Variants in MRTFB observed in about 807,000 individuals in gnomAD.
The protein encoded by MRTFB is myocardin related transcription factor B, also known as myocardin-related transcription factor B.
In MRTFB, 29 loss-of-function variants were observed where a neutral mutation model predicts 104.2. That is an observed-to-expected ratio of 0.28 (90% CI 0.21 to 0.38). The LOEUF is 0.38. Among genes scored for constraint, MRTFB ranks in the 10% least tolerant of loss-of-function variants. The pLI is 1.00. For missense variants in MRTFB, 1,270 were observed against 1,341.6 expected (o/e 0.95, Z 0.83); for synonymous variants, 535 against 519.5 (o/e 1.03, Z -0.41).
intron 3 of MRTFB, chr16:14,200,460 T>C (rs753762928): frequency 1.9e-6 from 3 of 1,610,354 alleles, no homozygotes; most frequent in Non-Finnish European, 1.7e-6. Flanking sequence ...AGACATCCAG[T>C]AGCATCGTTT....
At chr16:14,239,240 A>C (rs1293099861) in intron 9 of MRTFB, among the ~76,000 whole-genome samples, 1 of 152,250 alleles carries the variant, frequency 6.6e-6, no homozygotes, top group African/African-American at 2.4e-5. Flanking sequence ...AATTATATTA[A>C]AACATATCCA....
chr16:14,251,659 G>C (rs1236422262), intron 13 of MRTFB, among the ~76,000 whole-genome samples: 1 of 152,206 alleles, frequency 6.6e-6, no homozygotes, highest in East Asian at 1.9e-4. Flanking sequence ...ATTTATCCAT[G>C]TACTGTCTGT....
At chr16:14,206,488 G>A (rs185183813) in intron 3 of MRTFB, among the ~76,000 whole-genome samples, 5 of 152,328 alleles carry the variant, frequency 3.3e-5, no homozygotes, top group Non-Finnish European at 7.4e-5. Context: ...ATAAGTAGTA[G>A]TTGCTCTCAG....
In MRTFB at chr16:14,261,854, C is replaced by G. The variant is rs1047985667; in HGVS notation, c.*410C>G. Reference sequence around the variant, plus strand: ...AAAGGCAGACAGCTCCACTCAAAAACTAAGGCTGATGTGAGGGAGGTGAGA... The same window carrying G: ...AAAGGCAGACAGCTCCACTCAAAAAGTAAGGCTGATGTGAGGGAGGTGAGA... On this transcript the variant is annotated 3_prime_UTR_variant, in exon 17 of 17. Coordinates refer to ENST00000571589, the MANE Select transcript of MRTFB (RefSeq NM_001308142.2). The G allele has an allele frequency of 6.4e-6, 1 of 157,186 alleles. No homozygotes were observed. Among genetic ancestry groups the G allele is most frequent in the Non-Finnish European group, 1.4e-5 (1 of 71,352 alleles). The allele number at this position is 157,186 out of a possible 1,614,324, so 9.7% of individuals were successfully genotyped here.
rs189765491 is a variant in MRTFB at position 14,119,140 on chromosome 16, C to T, written c.-63-21404C>T. On this transcript the variant is annotated intron_variant, in intron 2 of 16. Transcript: ENST00000571589. The stretch of plus-strand genomic sequence containing the variant: ...GAAGAACAGTTTGTGAATCGGGCAG[C>T]CCCCAAACTAGACCAGGATTAGAGA... 4.6e-4 allele frequency among the ~76,000 whole-genome samples: 70 copies of T among 152,198 alleles called. 1 individual carries two copies. The highest frequency in any genetic ancestry group is 1.5e-3 in the African/African-American group (63 of 41,518).
rs1450863385 is a variant in MRTFB at position 14,258,148 on chromosome 16, C to T, written c.2751C>T (p.Leu917=). ...SQQMDDLFDI[L]IKSGEISLPI... ...AGATGGATGACCTCTTTGATATCCT[C>T]ATTAAGAGTGGAGGTAAGTCAAAAG... The change falls in exon 16 of 17, where the codon CTC becomes CTT. Residue 917 remains leucine (L), a synonymous_variant. Coordinates refer to ENST00000571589, the MANE Select transcript of MRTFB (RefSeq NM_001308142.2). The T allele has an allele frequency of 6.2e-7, 1 of 1,613,770 alleles. No homozygotes were observed. The highest frequency in any genetic ancestry group is 8.5e-7 in the Non-Finnish European group (1 of 1,179,734).
In MRTFB at chr16:14,140,556, G is replaced by A. The variant is rs2037942628; in HGVS notation, c.-51G>A. The A allele has an allele frequency of 7.5e-6, 12 of 1,603,388 alleles. No homozygotes were observed. The highest frequency in any genetic ancestry group is 9.4e-6 in the Non-Finnish European group (11 of 1,172,596). ...TTTATTTTGGCAGTGTCTTCAATAG[G>A]CCGTGTTTAAGAGGCGTCTTACACT... On this transcript the variant is annotated 5_prime_UTR_variant, in exon 3 of 17. Transcript: ENST00000571589.
rs180806034 is a variant in MRTFB at position 14,244,233 on chromosome 16, G to T, written c.1080-1295G>T. On this transcript the variant is annotated intron_variant, in intron 10 of 16. Coordinates refer to ENST00000571589, the MANE Select transcript of MRTFB (RefSeq NM_001308142.2). The stretch of plus-strand genomic sequence containing the variant: ...TTGGTGCTGATAGCAGTTCATTTTT[G>T]TTGTTGTTGTTTAATATTTCGTGAC... 2.2e-4 allele frequency among the ~76,000 whole-genome samples: 34 copies of T among 151,998 alleles called. No homozygotes were observed. In the East Asian group the frequency reaches 3.1e-3, roughly 14 times the overall value.
At chr16:14,243,923 A>C (rs2042898359) in intron 10 of MRTFB, among the ~76,000 whole-genome samples, 1 of 144,346 alleles carries the variant, frequency 6.9e-6, no homozygotes, top group South Asian at 2.2e-4. Flanking sequence ...GCAGTGGTGC[A>C]ATCTCGGCTC....
At chr16:14,017,687 G>GTATA in the MRTFB span, among the ~76,000 whole-genome samples, 20 of 6,814 alleles carry the variant, frequency 2.9e-3, 1 homozygote, top group Non-Finnish European at 3.8e-3. Context: ...GTGTGTGTGT[G>GTATA]TATATATATA....
intron 3 of MRTFB, among the ~76,000 whole-genome samples, chr16:14,169,813 C>G (rs1300400493): frequency 6.6e-6 from 1 of 152,080 alleles, no homozygotes; most frequent in African/African-American, 2.4e-5. Context: ...TTGCATGAGT[C>G]AAGGGGTTTG....
At chr16:14,260,406 G>T (rs372067454) in intron 16 of MRTFB, among the ~76,000 whole-genome samples, 23 of 151,838 alleles carry the variant, frequency 1.5e-4, no homozygotes, top group East Asian at 1.2e-3. Context: ...ATAACATTGA[G>T]GATGTACTTC....
chr16:14,218,365 G>A (rs1487613516), intron 7 of MRTFB, among the ~76,000 whole-genome samples: 3 of 152,066 alleles, frequency 2.0e-5, no homozygotes, highest in Non-Finnish European at 4.4e-5. Flanking sequence ...AGCCTGTCAC[G>A]TGTTTTTTTA....
chr16:14,060,640 C>T, the MRTFB span, among the ~76,000 whole-genome samples: 6 of 152,004 alleles, frequency 3.9e-5, no homozygotes, highest in East Asian at 1.2e-3. Context: ...CTGGGAAGCT[C>T]CAGAAATCTG....
chr16:14,248,629 T>G (rs866210843), intron 12 of MRTFB: 4 of 263,522 alleles, frequency 1.5e-5, no homozygotes, highest in Non-Finnish European at 2.9e-5. Flanking sequence ...TGAGCTATTA[T>G]GTGTAGAACT....
At chr16:14,116,763 A>G (rs1289395126) in intron 2 of MRTFB, among the ~76,000 whole-genome samples, 1 of 152,090 alleles carries the variant, frequency 6.6e-6, no homozygotes, top group African/African-American at 2.4e-5. Context: ...CCTCCTTCCC[A>G]TTGTGACAAC....
At position 14,107,518 on chromosome 16, in the gene MRTFB, CTAG is replaced by C. The variant is rs563014294; in HGVS notation, c.-64+28165_-64+28167del. 6.6e-5 allele frequency among the ~76,000 whole-genome samples: 10 copies of C among 152,234 alleles called. No homozygotes were observed. The East Asian group carries it at 1.7e-3, about 26-fold the overall frequency. On this transcript the variant is annotated intron_variant, in intron 2 of 16. Coordinates refer to ENST00000571589, the MANE Select transcript of MRTFB (RefSeq NM_001308142.2). ...GGACCAGATACAAGGTTTAAGAACA[CTAG>C]GCATAGAATAAATGGTGAGCACAGT...
chr16:14,182,206 G>T (rs976674431), intron 3 of MRTFB, among the ~76,000 whole-genome samples: 2 of 152,146 alleles, frequency 1.3e-5, no homozygotes, highest in African/African-American at 4.8e-5. Flanking sequence ...ATTCCAAAAG[G>T]CATTGTGTGG....
At chr16:14,206,110 G>A (rs980936354) in intron 3 of MRTFB, among the ~76,000 whole-genome samples, 2 of 152,198 alleles carry the variant, frequency 1.3e-5, no homozygotes, top group East Asian at 1.9e-4. Flanking sequence ...AGGCTGAAAA[G>A]GGAGGAAGGA....
Sources: gnomAD v4.1 joint callset for allele counts (sites outside exome capture counted in the v4.1 genomes callset) on GRCh38, gnomAD v4.1.1 for gene constraint, MANE v1.5 for transcripts, NCBI Gene and HGNC (gene_info 2026-07-23, HGNC 2026-07-21) for gene names.